CCDC3: variants seen among roughly 807,000 people sequenced by gnomAD.
The protein encoded by CCDC3 is coiled-coil domain-containing protein 3.
Under a neutral mutation model 21.4 loss-of-function variants are expected in CCDC3, and 24 were observed. The observed-to-expected ratio is 1.12, with a 90% CI of 0.81 to 1.58. The LOEUF (loss-of-function observed/expected upper bound fraction) is 1.58. CCDC3 is among the 40% of genes most tolerant of loss of function. CCDC3 has a pLI of 0.00. For synonymous variants in CCDC3, 186 were observed against 166.0 expected, an observed-to-expected ratio of 1.12 and a Z score of -0.93; for missense variants, 425 against 360.9, an observed-to-expected ratio of 1.18 and a Z score of -1.44.
chr10:13,060,370 G>A (rs1836740664), intron 4 of CCDC3, among the ~76,000 whole-genome samples: 1 of 152,170 alleles, frequency 6.6e-6, no homozygotes, highest in African/African-American at 2.4e-5. Context: ...TGCACCCTCA[G>A]GGAGCGCCAG....
intron 5 of CCDC3, among the ~76,000 whole-genome samples, chr10:13,035,886 C>T (rs1836371193): frequency 6.6e-6 from 1 of 151,584 alleles, no homozygotes; most frequent in Admixed American, 6.6e-5. Flanking sequence ...TGGCTCATGC[C>T]TGTAATCCCA....
chr10:12,964,575 G>A (rs1409590843), intron 2 of CCDC3, among the ~76,000 whole-genome samples: 2 of 152,104 alleles, frequency 1.3e-5, no homozygotes, highest in Non-Finnish European at 2.9e-5. Flanking sequence ...TCACCAAGAG[G>A]GGACCCAGAT....
At chr10:12,996,453 A>C (rs1234787130) in intron 2 of CCDC3, among the ~76,000 whole-genome samples, 2 of 152,044 alleles carry the variant, frequency 1.3e-5, no homozygotes, top group African/African-American at 4.8e-5. Context: ...TTCCTGCCTC[A>C]GCCTCCCGAG....
chr10:13,001,923 A>G (rs1390323249), upstream of CCDC3, among the ~76,000 whole-genome samples: 5 of 151,978 alleles, frequency 3.3e-5, no homozygotes, highest in Non-Finnish European at 5.9e-5. Context: ...GTGGCCCAGC[A>G]ATCTCCTGGC....
At chr10:12,935,108 T>A (rs781714006) in intron 2 of CCDC3, among the ~76,000 whole-genome samples, 17 of 152,018 alleles carry the variant, frequency 1.1e-4, no homozygotes, top group Admixed American at 4.6e-4. Context: ...CCCTTGCTGG[T>A]CTCAAGCAAT....
chr10:12,907,610 C>A (rs1834193724), intron 2 of CCDC3, among the ~76,000 whole-genome samples: 2 of 152,262 alleles, frequency 1.3e-5, no homozygotes, highest in South Asian at 4.2e-4. Flanking sequence ...CACCACTGCA[C>A]TCCAGCCTGG....
chr10:12,957,414 A>G (rs547540382), intron 2 of CCDC3, among the ~76,000 whole-genome samples: 1 of 152,362 alleles, frequency 6.6e-6, no homozygotes, highest in South Asian at 2.1e-4. Flanking sequence ...CAGAAACATA[A>G]AAGTCTGCTA....
intron 2 of CCDC3, among the ~76,000 whole-genome samples, chr10:12,912,587 T>C (rs978586779): frequency 2.0e-5 from 3 of 152,224 alleles, no homozygotes; most frequent in African/African-American, 7.2e-5. Flanking sequence ...GTTGATCATT[T>C]TCTCTGCTGG....
At chr10:12,915,834 TGGCCAGGCACTG>T (rs546140333) in intron 2 of CCDC3, among the ~76,000 whole-genome samples, 25 of 152,314 alleles carry the variant, frequency 1.6e-4, no homozygotes, top group African/African-American at 5.8e-4. Context: ...CTGTAGGTCT[TGGCCAGGCACTG>T]GGACAGGCCT....
At chr10:13,066,630 C>T (rs1588412939) in intron 4 of CCDC3, among the ~76,000 whole-genome samples, 1 of 152,284 alleles carries the variant, frequency 6.6e-6, no homozygotes. Context: ...GCAGATAAAA[C>T]AGTGTCCCCA....
intron 3 of CCDC3, among the ~76,000 whole-genome samples, chr10:13,096,742 C>T (rs1832632763): frequency 6.6e-6 from 1 of 152,176 alleles, no homozygotes; most frequent in African/African-American, 2.4e-5. Flanking sequence ...TTCCCAAAGT[C>T]CAGTAGGTGC....
chr10:12,962,752 T>C (rs1468854556), intron 2 of CCDC3, among the ~76,000 whole-genome samples: 1 of 152,194 alleles, frequency 6.6e-6, no homozygotes, highest in African/African-American at 2.4e-5. Context: ...TACAGGGATT[T>C]TTAAGTGTGA....
At chr10:13,015,045 T>G (rs1430749597) in intron 5 of CCDC3, among the ~76,000 whole-genome samples, 1 of 152,082 alleles carries the variant, frequency 6.6e-6, no homozygotes, top group Non-Finnish European at 1.5e-5. Context: ...CACAAACATA[T>G]TTTTAAACAT....
intron 2 of CCDC3, among the ~76,000 whole-genome samples, chr10:12,958,125 C>A (rs923606931): frequency 1.3e-5 from 2 of 152,104 alleles, no homozygotes; most frequent in African/African-American, 4.8e-5. Context: ...CTATTCCTGG[C>A]CTAAACCTCT....
rs142516783 is a variant in CCDC3 at position 12,987,385 on chromosome 10, A to T, written c.549+10953T>A. 1.2e-3 allele frequency among the ~76,000 whole-genome samples: 180 copies of T among 152,350 alleles called. 2 individuals are homozygous for T. The East Asian group carries it at 0.027, about 23-fold the overall frequency. ...GAGATCTTATGGGATATATGGGGCT[A>T]TGAGAGCTGTAACATAACGCCTCAC... On this transcript the variant is annotated intron_variant, in intron 2 of 2. Coordinates refer to ENST00000378825, the MANE Select transcript of CCDC3 (RefSeq NM_031455.4).
At chr10:13,013,623 T>C (rs1419553119) in intron 5 of CCDC3, among the ~76,000 whole-genome samples, 3 of 152,106 alleles carry the variant, frequency 2.0e-5, no homozygotes, top group Non-Finnish European at 4.4e-5. Context: ...GTAAATGTCA[T>C]GGTAATGGAG....
At chr10:13,064,841 C>A (rs1161072626) in intron 4 of CCDC3, among the ~76,000 whole-genome samples, 1 of 151,990 alleles carries the variant, frequency 6.6e-6, no homozygotes, top group African/African-American at 2.4e-5. Flanking sequence ...GGCAGGACAA[C>A]TGAAGTAAGG....
chr10:12,994,417 A>C lies in CCDC3; in HGVS notation c.549+3921T>G, dbSNP rs574855515. Among the ~76,000 whole-genome samples, 22 of 150,956 alleles carry C rather than the reference A, an allele frequency of 1.5e-4. 1 individual carries two copies. The highest frequency in any genetic ancestry group is 6.8e-3 in the Middle Eastern group (2 of 294). On this transcript the variant is annotated intron_variant, in intron 2 of 2. Coordinates refer to ENST00000378825, the MANE Select transcript of CCDC3 (RefSeq NM_031455.4). ...CGTCTCAAAAACAAAACAAAACAAA[A>C]AAAAAAAACACCCAGCACCCAGCAC...
At chr10:13,032,406 A>G (rs1196616805) in intron 5 of CCDC3, among the ~76,000 whole-genome samples, 1 of 152,200 alleles carries the variant, frequency 6.6e-6, no homozygotes, top group Non-Finnish European at 1.5e-5. Flanking sequence ...CAAAAACTGG[A>G]AGCATTCCCA....
Sources: allele counts gnomAD v4.1 joint callset (sites outside exome capture counted in the v4.1 genomes callset), GRCh38; gene constraint gnomAD v4.1.1; transcripts MANE v1.5; gene names NCBI Gene and HGNC (gene_info 2026-07-23, HGNC 2026-07-21).